Variants in MDGA2 observed in about 807,000 individuals in gnomAD.
The protein encoded by MDGA2 is MAM domain containing glycosylphosphatidylinositol anchor 2.
MDGA2 carries 40 observed loss-of-function variants against 117.8 expected under a neutral mutation model. That is an observed-to-expected ratio of 0.34 (90% CI 0.26 to 0.44). The LOEUF is 0.44. Among genes scored for constraint, MDGA2 ranks in the 20% least tolerant of loss-of-function variants. MDGA2 has a pLI of 1.00. For synonymous variants in MDGA2, 452 were observed against 439.0 expected, an observed-to-expected ratio of 1.03 and a Z score of -0.37; for missense variants, 1,123 against 1,250.6, an observed-to-expected ratio of 0.90 and a Z score of 1.54.
At chr14:47,429,303 T>G (rs916715481) in intron 1 of MDGA2, among the ~76,000 whole-genome samples, 1 of 151,960 alleles carries the variant, frequency 6.6e-6, no homozygotes, top group Non-Finnish European at 1.5e-5. Context: ...CACACATATA[T>G]ATTTTTATAT....
intron 4 of MDGA2, among the ~76,000 whole-genome samples, chr14:47,134,165 C>G (rs1216505720): frequency 1.3e-5 from 2 of 152,004 alleles, no homozygotes; most frequent in Admixed American, 6.6e-5. Context: ...CCAGACTTCT[C>G]CCTTTGCCAG....
At chr14:47,462,220 C>CA (rs1464227604) in intron 1 of MDGA2, among the ~76,000 whole-genome samples, 1 of 151,584 alleles carries the variant, frequency 6.6e-6, no homozygotes, top group African/African-American at 2.4e-5. Context: ...ACTAAAAATA[C>CA]AAAAAATTAG....
chr14:47,274,008 G>C (rs1888229460), intron 2 of MDGA2, among the ~76,000 whole-genome samples: 1 of 152,042 alleles, frequency 6.6e-6, no homozygotes, highest in African/African-American at 2.4e-5. Context: ...TTATTCTAGA[G>C]GCTACACTAA....
rs1881225289 is a variant in MDGA2, at chr14:46,855,268, G to A, written c.2753-114C>T. On this transcript the variant is annotated intron_variant, in intron 14 of 16. Coordinates refer to ENST00000399232, the MANE Select transcript of MDGA2 (RefSeq NM_001113498.3). This position sits in a 1 kb window ranked among gnomAD's most constrained non-coding sequence, Gnocchi z 4.1. ...CTGAAATTTTACAGAACACTCTAGT[G>A]TCTTGTCCTCTCTTCTCCTCTCATT... The A allele has an allele frequency of 2.7e-6, 2 of 754,244 alleles. No individual in the cohort carries two copies. Among genetic ancestry groups the A allele is most frequent in the East Asian group, 2.9e-5 (1 of 34,852 alleles). The allele number at this position is 754,244 out of a possible 1,614,324, so 46.7% of individuals were successfully genotyped here. A position where few individuals can be genotyped will look rare whatever the true frequency, so the allele number is the denominator to read the frequency against.
intron 6 of MDGA2, among the ~76,000 whole-genome samples, chr14:47,079,795 A>T (rs1384083237): frequency 2.3e-5 from 3 of 128,400 alleles, no homozygotes; most frequent in Non-Finnish European, 4.6e-5. Context: ...GCAGTGGCGC[A>T]ATCTCGGCTC....
At chr14:47,441,500 A>G (rs1893010650) in intron 1 of MDGA2, among the ~76,000 whole-genome samples, 1 of 152,214 alleles carries the variant, frequency 6.6e-6, no homozygotes, top group African/African-American at 2.4e-5. Flanking sequence ...TGAAGGACAT[A>G]GTAGGAAAAT....
chr14:47,312,677 G>GT (rs202227321), intron 1 of MDGA2, among the ~76,000 whole-genome samples: 60 of 126,722 alleles, frequency 4.7e-4, no homozygotes, highest in East Asian at 2.1e-3. Context: ...CTAGTTTTTA[G>GT]TTTTTTTTTT....
chr14:47,461,557 T>C (rs1293139791), intron 1 of MDGA2, among the ~76,000 whole-genome samples: 1 of 152,176 alleles, frequency 6.6e-6, no homozygotes, highest in Non-Finnish European at 1.5e-5. Flanking sequence ...GGTTTCCCAC[T>C]GTGAGCATCC....
chr14:47,468,635 G>C (rs2138609161), intron 1 of MDGA2, among the ~76,000 whole-genome samples: 1 of 148,150 alleles, frequency 6.7e-6, no homozygotes, highest in South Asian at 2.2e-4. Context: ...AACTTCTTCA[G>C]ACCTCATAAA....
chr14:46,872,086 A>T (rs1395040341), intron 14 of MDGA2: 1 of 153,194 alleles, frequency 6.5e-6, no homozygotes, highest in Non-Finnish European at 1.5e-5. Flanking sequence ...TATGAGTTTG[A>T]ATCCCAGCAC....
Position 47,170,205 on chromosome 14 carries a change from A to C in MDGA2, c.596-25931T>G, listed in dbSNP as rs556697854. Among the ~76,000 whole-genome samples the C allele has an allele frequency of 1.1e-4, 17 of 152,240 alleles. No individual in the cohort carries two copies. The East Asian group carries it at 3.1e-3, about 28-fold the overall frequency. ...CTCCAAGATTTTAGATACATTAATA[A>C]ATTGCTTCTTGATTTAATTGCTCAA... On this transcript the variant is annotated intron_variant, in intron 3 of 16. Coordinates refer to ENST00000399232, the MANE Select transcript of MDGA2 (RefSeq NM_001113498.3).
chr14:46,934,881 T>A (rs1884720172), intron 9 of MDGA2, among the ~76,000 whole-genome samples: 1 of 152,094 alleles, frequency 6.6e-6, no homozygotes, highest in African/African-American at 2.4e-5. Flanking sequence ...AAGCACAAGG[T>A]CAAAATAGCT....
rs1016225044 is a variant in MDGA2, at chr14:47,574,119, C to T, written c.280+100398G>A. ...GGAGAAGAAAATGGGTTCTGTGGAT[C>T]GTGGCTTTTTTTACATGCTAGAGTC... On this transcript the variant is annotated intron_variant, in intron 1 of 16. Transcript: ENST00000399232. 4.6e-5 allele frequency among the ~76,000 whole-genome samples: 7 copies of T among 152,046 alleles called. 1 individual carries two copies. The highest frequency in any genetic ancestry group is 3.9e-4 in the East Asian group (2 of 5,184).
At chr14:47,182,343 A>G (rs978098758) in intron 3 of MDGA2, among the ~76,000 whole-genome samples, 36 of 152,214 alleles carry the variant, frequency 2.4e-4, no homozygotes, top group East Asian at 2.1e-3. Flanking sequence ...CTAACCCCCA[A>G]TGTGGCTTTA....
intron 3 of MDGA2, among the ~76,000 whole-genome samples, chr14:47,162,924 C>G (rs915642547): frequency 6.6e-6 from 1 of 152,176 alleles, no homozygotes; most frequent in African/African-American, 2.4e-5. Context: ...CACATGCACT[C>G]GAATGAATGT....
chr14:46,945,552 T>C (rs369765033), intron 9 of MDGA2, among the ~76,000 whole-genome samples: 30 of 152,228 alleles, frequency 2.0e-4, no homozygotes, highest in African/African-American at 6.5e-4. Context: ...CACTAACTCC[T>C]ATGACCCTTC....
chr14:47,131,649 TAA>T (rs1882208610), intron 5 of MDGA2, 63 bp downstream of exon 5: 1 of 1,321,774 alleles, frequency 7.6e-7, no homozygotes, highest in Non-Finnish European at 1.0e-6. Flanking sequence ...TTAAAAAAGT[TAA>T]AGAGAGTTTT....
chr14:47,248,749 C>T (rs372648378), intron 2 of MDGA2, among the ~76,000 whole-genome samples: 13 of 151,942 alleles, frequency 8.6e-5, no homozygotes, highest in East Asian at 7.7e-4. Flanking sequence ...TTAAAAGCAA[C>T]GGAGTATTAG....
chr14:47,366,227 G>T (rs947900925), intron 1 of MDGA2, among the ~76,000 whole-genome samples: 1 of 152,096 alleles, frequency 6.6e-6, no homozygotes, highest in African/African-American at 2.4e-5. Flanking sequence ...GAAGGCTATT[G>T]GAAGAGTGCT....
Sources: gnomAD v4.1 joint callset for allele counts (sites outside exome capture counted in the v4.1 genomes callset) on GRCh38, gnomAD v4.1.1 for gene constraint, Gnocchi (gnomAD v3.1) non-coding constraint, MANE v1.5 for transcripts, NCBI Gene and HGNC (gene_info 2026-07-23, HGNC 2026-07-21) for gene names.